Variants in RBM27 observed in about 807,000 individuals in gnomAD.
The protein encoded by RBM27 is RNA binding motif protein 27, also known as RNA-binding protein 27.
RBM27 carries 22 observed loss-of-function variants against 135.3 expected under a neutral mutation model. The ratio of observed to expected loss-of-function variants is 0.16; its 90% CI spans 0.12 to 0.23. The LOEUF (loss-of-function observed/expected upper bound fraction) is 0.23, where lower values mean the gene tolerates loss of function less well. Among genes scored for constraint, RBM27 ranks in the 10% least tolerant of loss-of-function variants. The pLI, the probability that RBM27 is intolerant of heterozygous loss-of-function variation, is 1.00. For synonymous variants in RBM27, 481 were observed against 442.4 expected, an observed-to-expected ratio of 1.09 and a Z score of -1.10; for missense variants, 1,009 against 1,281.0, an observed-to-expected ratio of 0.79 and a Z score of 3.24.
chr5:146,228,432 C>G (rs911301000), intron 3 of RBM27, among the ~76,000 whole-genome samples: 8 of 151,828 alleles, frequency 5.3e-5, no homozygotes, highest in Non-Finnish European at 8.8e-5. Flanking sequence ...CAGGCACGTG[C>G]CACCACACGT....
chr5:146,215,076 G>T (rs1756131032), intron 1 of RBM27, among the ~76,000 whole-genome samples: 1 of 152,068 alleles, frequency 6.6e-6, no homozygotes, highest in Non-Finnish European at 1.5e-5. Flanking sequence ...TTGAGACTGA[G>T]TCGCGCTCTA....
intron 9 of RBM27, among the ~76,000 whole-genome samples, chr5:146,253,964 G>A (rs1758002311): frequency 6.6e-6 from 1 of 152,134 alleles, no homozygotes; most frequent in Non-Finnish European, 1.5e-5. Context: ...GCGCGTGTGT[G>A]CTTTTTTATT....
rs754440848 is a variant in RBM27 at position 146,284,597 on chromosome 5, T to C, written c.2989-25T>C. The C allele has an allele frequency of 6.3e-6, 9 of 1,433,610 alleles. No individual in the cohort carries two copies. The Admixed American group carries it at 1.4e-4, about 23-fold the overall frequency. 88.8% of individuals were successfully genotyped at this position (1,433,610 alleles called of 1,614,324 possible). A position where few individuals can be genotyped will look rare whatever the true frequency, so the allele number is the denominator to read the frequency against. On this transcript the variant is annotated intron_variant, in intron 19 of 20. Coordinates refer to ENST00000265271, the MANE Select transcript of RBM27 (RefSeq NM_018989.2). ...ATTAGTAAATTTGAGTGCAAACTTG[T>C]ATGTTCTTCTAATATATATTTTAGA...
chr5:146,243,241 G>A (rs1757484095), intron 8 of RBM27, among the ~76,000 whole-genome samples: 1 of 151,996 alleles, frequency 6.6e-6, no homozygotes, highest in Admixed American at 6.6e-5. Flanking sequence ...ACTCTAGCCT[G>A]GGCAACAAGA....
chr5:146,221,941 T>C (rs1463774566), intron 2 of RBM27, among the ~76,000 whole-genome samples: 1 of 152,178 alleles, frequency 6.6e-6, no homozygotes, highest in South Asian at 2.1e-4. Context: ...TTATTTTTAT[T>C]TATTTTTAAT....
intron 19 of RBM27, among the ~76,000 whole-genome samples, chr5:146,273,257 A>C (rs190408081): frequency 6.6e-6 from 1 of 152,164 alleles, no homozygotes; most frequent in Admixed American, 6.5e-5. Context: ...ACTGGAGACT[A>C]TATGTAGATG....
chr5:146,227,736 C>A (rs1342684153), intron 3 of RBM27, among the ~76,000 whole-genome samples: 1 of 152,018 alleles, frequency 6.6e-6, no homozygotes, highest in Non-Finnish European at 1.5e-5. Context: ...GAGACTCGGT[C>A]TCCAAAAAAC....
chr5:146,230,768 A>T lies in RBM27; in HGVS notation c.701A>T (p.Gln234Leu). 1 of 1,614,090 alleles carries T rather than the reference A, an allele frequency of 6.2e-7. No homozygotes were observed. The highest frequency in any genetic ancestry group is 8.5e-7 in the Non-Finnish European group (1 of 1,179,960). ...NSSEQYSSGAQSIPSTVTVIA... is the reference protein window; with the variant it reads ...NSSEQYSSGALSIPSTVTVIA... ...TCTGAGCAGTATTCCTCTGGGGCAC[A>T]GTCTATTCCCAGCACTGTTACTGTG... The change falls in exon 6 of 21, where the codon CAG (glutamine) becomes CTG (leucine). Residue 234 changes from glutamine (Q) to leucine (L), a missense_variant. Around this residue, in one of 6 missense-constraint regions of RBM27, gnomAD observed 268 missense variants for 326.6 expected, o/e 0.82. Coordinates refer to ENST00000265271, the MANE Select transcript of RBM27 (RefSeq NM_018989.2).
At position 146,267,761 on chromosome 5, in the gene RBM27, A is replaced by G. The variant is rs1338068129; in HGVS notation, c.2444A>G (p.Lys815Arg). The G allele has an allele frequency of 6.2e-7, 1 of 1,602,018 alleles. No individual in the cohort carries two copies. Among genetic ancestry groups the G allele is most frequent in the Non-Finnish European group, 8.5e-7 (1 of 1,176,758 alleles). Residue 815 changes from lysine to arginine, a missense_variant, in exon 15 of 21, where the codon AAA becomes AGA. By Grantham distance (26) the Lys-to-Arg change is conservative. Coordinates refer to ENST00000265271, the MANE Select transcript of RBM27 (RefSeq NM_018989.2). Reference sequence around the variant, plus strand: ...CATGATGTTCAAGAAGTGCTTAAAAAAAAACAGGTAACAGTCTTGATTCTT... The same window carrying G: ...CATGATGTTCAAGAAGTGCTTAAAAGAAAACAGGTAACAGTCTTGATTCTT... ...KSHDVQEVLK[K>R]KQEAMKLQQD...
intron 7 of RBM27, among the ~76,000 whole-genome samples, chr5:146,234,507 GT>G (rs1241260500): frequency 2.0e-5 from 1 of 50,328 alleles, no homozygotes; most frequent in African/African-American, 7.6e-5. Flanking sequence ...AGGACTTTTT[GT>G]TTTTGTTATT....
At position 146,241,338 on chromosome 5, in the gene RBM27, A is replaced by G. The variant is rs533798766; in HGVS notation, c.1279+3906A>G. On this transcript the variant is annotated intron_variant, in intron 8 of 20. Coordinates refer to ENST00000265271, the MANE Select transcript of RBM27 (RefSeq NM_018989.2). Reference sequence around the variant, plus strand: ...GGCAAATATTTATTGAATGCCTACTATGTGCCAGGCATCGTGCCAGACACT... The same window carrying G: ...GGCAAATATTTATTGAATGCCTACTGTGTGCCAGGCATCGTGCCAGACACT... Among the ~76,000 whole-genome samples, 7 of 152,342 alleles carry G rather than the reference A, an allele frequency of 4.6e-5. No individual in the cohort carries two copies. The South Asian group carries it at 1.2e-3, about 27-fold the overall frequency.
Position 146,284,749 on chromosome 5 carries a change from G to T in RBM27, c.3099+17G>T. The T allele has an allele frequency of 6.9e-7, 1 of 1,447,468 alleles. No homozygotes were observed. The highest frequency in any genetic ancestry group is 1.2e-5 in the South Asian group (1 of 85,282). 89.7% of individuals were successfully genotyped at this position (1,447,468 alleles called of 1,614,324 possible). A position where few individuals can be genotyped will look rare whatever the true frequency, so the allele number is the denominator to read the frequency against. ...AAGGAGGAGGTAAATTTAGTGGTTG[G>T]AAATAAGAGTTGAATTAGATCACTT... is the stretch of plus-strand genomic sequence containing the variant. On this transcript the variant is annotated intron_variant, in intron 20 of 20. Coordinates refer to ENST00000265271, the MANE Select transcript of RBM27 (RefSeq NM_018989.2).
In RBM27 at chr5:146,264,756, G is replaced by T. The variant is rs776167436; in HGVS notation, c.2331+1125G>T. On this transcript the variant is annotated intron_variant, in intron 14 of 20. Coordinates refer to ENST00000265271, the MANE Select transcript of RBM27 (RefSeq NM_018989.2). ...ACAACCTGATAATGACTCATGAATA[G>T]ACAGACTAGTGGAACAGAATAGAAA... 1.4e-4 allele frequency among the ~76,000 whole-genome samples: 21 copies of T among 149,660 alleles called. No individual in the cohort carries two copies. In the South Asian group the frequency reaches 1.5e-3, roughly 10 times the overall value.
chr5:146,261,045 A>G, intron 12 of RBM27, 147 bp downstream of exon 12: 1 of 754,850 alleles, frequency 1.3e-6, no homozygotes, highest in Non-Finnish European at 2.2e-6. Context: ...CTATATACCC[A>G]CTTTTATGAT....
At chr5:146,215,982 C>G (rs1248649054) in intron 1 of RBM27, among the ~76,000 whole-genome samples, 1 of 152,082 alleles carries the variant, frequency 6.6e-6, no homozygotes, top group Non-Finnish European at 1.5e-5. Flanking sequence ...AACTCCTGAC[C>G]TCGTGATCCT....
At chr5:146,283,394 A>G (rs1407194734) in intron 19 of RBM27, among the ~76,000 whole-genome samples, 2 of 152,116 alleles carry the variant, frequency 1.3e-5, no homozygotes, top group East Asian at 1.9e-4. Flanking sequence ...AAAATTAGCC[A>G]GGTGAGGTGG....
chr5:146,235,033 A>AAAATAAAT (rs59434635), intron 7 of RBM27, among the ~76,000 whole-genome samples: 50,471 of 139,114 alleles, frequency 0.36, 9,457 homozygotes, highest in Middle Eastern at 0.51. Context: ...CCCTGTCTCA[A>AAAATAAAT]AAATAAATAA....
chr5:146,242,708 C>T (rs960037244), intron 8 of RBM27, among the ~76,000 whole-genome samples: 3 of 152,082 alleles, frequency 2.0e-5, no homozygotes, highest in East Asian at 1.9e-4. Context: ...ATTCTTCTGC[C>T]GGAGCTTCCC....
chr5:146,280,760 G>A (rs540143153), intron 19 of RBM27, among the ~76,000 whole-genome samples: 8 of 152,296 alleles, frequency 5.3e-5, no homozygotes, highest in African/African-American at 1.4e-4. Flanking sequence ...TCATGAGCCC[G>A]TTTTCAGCTG....
Sources: gnomAD v4.1 joint callset for allele counts (sites outside exome capture counted in the v4.1 genomes callset) on GRCh38, gnomAD v4.1.1 for gene constraint, gnomAD v4.1.1 regional missense constraint, MANE v1.5 for transcripts, NCBI Gene and HGNC (gene_info 2026-07-23, HGNC 2026-07-21) for gene names.